ARL8A: variants seen among roughly 807,000 people sequenced by gnomAD.
The protein encoded by ARL8A is ADP-ribosylation factor-like protein 8A.
In ARL8A, 10 loss-of-function variants were observed where a neutral mutation model predicts 31.2. That is an observed-to-expected ratio of 0.32 (90% confidence interval 0.20 to 0.54). ARL8A has a LOEUF of 0.54. Among genes scored for constraint, ARL8A ranks in the 20% least tolerant of loss-of-function variants. The pLI is 0.93. For synonymous variants in ARL8A, 70 were observed against 86.9 expected, an observed-to-expected ratio of 0.81 and a Z score of 1.08; for missense variants, 129 against 242.8, an observed-to-expected ratio of 0.53 and a Z score of 3.12.
Position 202,144,585 on chromosome 1 carries a change from C to T in ARL8A, c.-13G>A. On this transcript the variant is annotated 5_prime_UTR_variant, in exon 1 of 7. Coordinates refer to ENST00000272217, the MANE Select transcript of ARL8A (RefSeq NM_138795.4). The surrounding 1 kb of genome is among the most constrained non-coding windows in gnomAD (Gnocchi z 5.2). ...ACAAAGCGATCATGGTCGCTGCCGC[C>T]GGCCCCGCCCGGTGCCAGGTCCCCG... 1 of 1,405,528 alleles carries T rather than the reference C, an allele frequency of 7.1e-7. No individual in the cohort carries two copies. Among genetic ancestry groups the T allele is most frequent in the Non-Finnish European group, 9.5e-7 (1 of 1,057,254 alleles). The allele number at this position is 1,405,528 out of a possible 1,614,324, so 87.1% of individuals were successfully genotyped here. A position where few individuals can be genotyped will look rare whatever the true frequency, so the allele number is the denominator to read the frequency against.
In ARL8A at chr1:202,142,832, C is replaced by T. The variant is rs554617583; in HGVS notation, c.123+1618G>A. Among the ~76,000 whole-genome samples, 111 of 152,252 alleles carry T rather than the reference C, an allele frequency of 7.3e-4. 1 individual carries two copies. The highest frequency in any genetic ancestry group is 2.6e-3 in the African/African-American group (108 of 41,548). On this transcript the variant is annotated intron_variant, in intron 1 of 6. Transcript: ENST00000272217. ...CGAACCCACCCGGGTACCTGTGGAT[C>T]CCTGTCCCAGAGCACAGCTATAGTA...
chr1:202,134,382 T>G lies in ARL8A; in HGVS notation c.*85A>C. The G allele has an allele frequency of 3.6e-6, 5 of 1,403,152 alleles. No individual in the cohort carries two copies. Among genetic ancestry groups the G allele is most frequent in the Non-Finnish European group, 4.0e-6 (4 of 995,098 alleles). 86.9% of individuals were successfully genotyped at this position (1,403,152 alleles called of 1,614,324 possible). A position where few individuals can be genotyped will look rare whatever the true frequency, so the allele number is the denominator to read the frequency against. On this transcript the variant is annotated 3_prime_UTR_variant, in exon 7 of 7. Coordinates refer to ENST00000272217, the MANE Select transcript of ARL8A (RefSeq NM_138795.4). This position sits in a 1 kb window ranked among gnomAD's most constrained non-coding sequence, Gnocchi z 4.2. ...CACACTGGGTGAGGAGGGGTGGGCT[T>G]AGGGGGACGACAGGGGTGGGCGGGG...
intron 1 of ARL8A, among the ~76,000 whole-genome samples, chr1:202,140,669 C>T (rs1372164729): frequency 2.0e-5 from 3 of 152,184 alleles, no homozygotes; most frequent in East Asian, 3.8e-4. Context: ...TCTCTCACTT[C>T]TTTCAGATAT....
chr1:202,144,268 G>A lies in ARL8A; in HGVS notation c.123+182C>T, dbSNP rs1353737799. Among the ~76,000 whole-genome samples the A allele has an allele frequency of 6.6e-6, 1 of 151,704 alleles. No individual in the cohort carries two copies. The highest frequency in any genetic ancestry group is 1.5e-5 in the Non-Finnish European group (1 of 67,834). On this transcript the variant is annotated intron_variant, in intron 1 of 6. Coordinates refer to ENST00000272217, the MANE Select transcript of ARL8A (RefSeq NM_138795.4). The surrounding 1 kb of genome is among the most constrained non-coding windows in gnomAD (Gnocchi z 5.2). ...AGAGAGCGGGTCGCGCGCCGCCCCG[G>A]TCCCCCACGGCACGGGCCGTACTAG...
rs1395028748 is a variant in ARL8A at position 202,134,913 on chromosome 1, T to C, written c.511+237A>G. Among the ~76,000 whole-genome samples the C allele has an allele frequency of 6.6e-6, 1 of 152,114 alleles. No individual in the cohort carries two copies. The highest frequency in any genetic ancestry group is 1.5e-5 in the Non-Finnish European group (1 of 68,028). On this transcript the variant is annotated intron_variant, in intron 6 of 6. Transcript: ENST00000272217. This position sits in a 1 kb window ranked among gnomAD's most constrained non-coding sequence, Gnocchi z 4.2. ...ACCTGAGAATCACCGGGTCCAGCCC[T>C]GGAATCTTAGAAACGAGGAGGTGAA...
rs1655257092 is a variant in ARL8A at position 202,144,667 on chromosome 1, G to A, written c.-95C>T. On this transcript the variant is annotated 5_prime_UTR_variant, in exon 1 of 7. Coordinates refer to ENST00000272217, the MANE Select transcript of ARL8A (RefSeq NM_138795.4). This position sits in a 1 kb window ranked among gnomAD's most constrained non-coding sequence, Gnocchi z 5.2. ...GAGCGGCCCCTCCCCGGTACGGCCC[G>A]GGTCCCGCGGCTCGGTGCGGGCGGA... The A allele has an allele frequency of 1.9e-6, 2 of 1,074,486 alleles. No individual in the cohort carries two copies. The highest frequency in any genetic ancestry group is 5.5e-5 in the Admixed American group (1 of 18,278). 66.6% of individuals were successfully genotyped at this position (1,074,486 alleles called of 1,614,324 possible).
Position 202,135,408 on chromosome 1 carries a change from G to A in ARL8A, c.440+51C>T. The stretch of plus-strand genomic sequence containing the variant: ...GCAGCAAGCCTAGGCTGTTGGTCTG[G>A]TGGTTGGGGAATTGGGAGAGCAGAA... On this transcript the variant is annotated intron_variant, in intron 5 of 6. Transcript: ENST00000272217. This position sits in a 1 kb window ranked among gnomAD's most constrained non-coding sequence, Gnocchi z 5.3. 1 of 1,593,344 alleles carries A rather than the reference G, an allele frequency of 6.3e-7. No homozygotes were observed.
chr1:202,134,634 G>A lies in ARL8A; in HGVS notation c.512-118C>T. 2.2e-6 allele frequency: 2 copies of A among 911,468 alleles called. No homozygotes were observed. The highest frequency in any genetic ancestry group is 1.8e-5 in the Admixed American group (1 of 55,778). The allele number at this position is 911,468 out of a possible 1,614,324, so 56.5% of individuals were successfully genotyped here. A position where few individuals can be genotyped will look rare whatever the true frequency, so the allele number is the denominator to read the frequency against. ...CAGAAGTCCAGAGATGCCAGGAGGG[G>A]TGGCGCACACCTGGAGTCTCAGCTA... On this transcript the variant is annotated intron_variant, in intron 6 of 6. Coordinates refer to ENST00000272217, the MANE Select transcript of ARL8A (RefSeq NM_138795.4). This position sits in a 1 kb window ranked among gnomAD's most constrained non-coding sequence, Gnocchi z 4.2.
At chr1:202,139,605 T>C (rs73085614) in intron 1 of ARL8A, among the ~76,000 whole-genome samples, 4 of 142,854 alleles carry the variant, frequency 2.8e-5, no homozygotes, top group Admixed American at 1.4e-4. Context: ...TCATTCAACA[T>C]TGAACCTGAG....
chr1:202,141,275 G>A lies in ARL8A; in HGVS notation c.124-2827C>T, dbSNP rs576269958. 3.3e-5 allele frequency among the ~76,000 whole-genome samples: 5 copies of A among 152,324 alleles called. No homozygotes were observed. The East Asian group carries it at 9.6e-4, about 29-fold the overall frequency. On this transcript the variant is annotated intron_variant, in intron 1 of 6. Transcript: ENST00000272217. The stretch of plus-strand genomic sequence containing the variant: ...CTGAAGTCATGCAGCCCAACCTCTT[G>A]TCTCAGACTTCAGTCCCTTCTGCCC...
At position 202,135,453 on chromosome 1, in the gene ARL8A, A is replaced by G. The variant is rs1654980371; in HGVS notation, c.440+6T>C. 1 of 1,613,624 alleles carries G rather than the reference A, an allele frequency of 6.2e-7. No homozygotes were observed. Among genetic ancestry groups the G allele is most frequent in the East Asian group, 2.2e-5 (1 of 44,858 alleles). On this transcript the variant is annotated splice_donor_region_variant and intron_variant, in intron 5 of 6. Coordinates refer to ENST00000272217, the MANE Select transcript of ARL8A (RefSeq NM_138795.4). The surrounding 1 kb of genome is among the most constrained non-coding windows in gnomAD (Gnocchi z 5.3). Reference sequence around the variant, plus strand: ...GCAGAAAGTAATATAGAGTCACCCAACTCACATTTTCTCAATCAGCTCCTT... The same window carrying G: ...GCAGAAAGTAATATAGAGTCACCCAGCTCACATTTTCTCAATCAGCTCCTT...
chr1:202,135,079 G>T lies in ARL8A; in HGVS notation c.511+71C>A. The T allele has an allele frequency of 1.4e-6, 2 of 1,463,026 alleles. No homozygotes were observed. The highest frequency in any genetic ancestry group is 1.2e-5 in the South Asian group (1 of 86,824). 90.6% of individuals were successfully genotyped at this position (1,463,026 alleles called of 1,614,324 possible). The stretch of plus-strand genomic sequence containing the variant: ...TGGACTTCAGGGAAAGTTGTGGAGC[G>T]AGAACCTGAGAGCCACTAAAACACT... On this transcript the variant is annotated intron_variant, in intron 6 of 6. Coordinates refer to ENST00000272217, the MANE Select transcript of ARL8A (RefSeq NM_138795.4). The surrounding 1 kb of genome is among the most constrained non-coding windows in gnomAD (Gnocchi z 5.3).
chr1:202,143,428 G>A (rs979951415), intron 1 of ARL8A, among the ~76,000 whole-genome samples: 1 of 152,150 alleles, frequency 6.6e-6, no homozygotes, highest in African/African-American at 2.4e-5. Context: ...TTACTATCTG[G>A]CCAACTCACA....
At chr1:202,143,975 A>T (rs1489886614) in intron 1 of ARL8A, among the ~76,000 whole-genome samples, 3 of 151,004 alleles carry the variant, frequency 2.0e-5, no homozygotes, top group Admixed American at 1.3e-4. Flanking sequence ...GGAGGGGTTA[A>T]GCCCTCTGGG....
chr1:202,139,241 A>G (rs1188775677), intron 1 of ARL8A, among the ~76,000 whole-genome samples: 9 of 152,178 alleles, frequency 5.9e-5, no homozygotes, highest in Non-Finnish European at 1.3e-4. Context: ...CCATGTTCAC[A>G]GGTAGGACAC....
chr1:202,139,104 C>T (rs1268971774), intron 1 of ARL8A, among the ~76,000 whole-genome samples: 2 of 152,166 alleles, frequency 1.3e-5, no homozygotes, highest in Non-Finnish European at 2.9e-5. Flanking sequence ...TTGCTGAATA[C>T]TGGGGGTTTG....
At chr1:202,139,940 G>A (rs1228225800) in intron 1 of ARL8A, among the ~76,000 whole-genome samples, 1 of 152,002 alleles carries the variant, frequency 6.6e-6, no homozygotes, top group Non-Finnish European at 1.5e-5. Flanking sequence ...GAGCCACGGT[G>A]CCCGGCCAAG....
rs558457765 is a variant in ARL8A at position 202,138,304 on chromosome 1, C to A, written c.204+64G>T. 30 of 1,270,992 alleles carry A rather than the reference C, an allele frequency of 2.4e-5. No individual in the cohort carries two copies. The highest frequency in any genetic ancestry group is 3.3e-5 in the Non-Finnish European group (30 of 916,772). The allele number at this position is 1,270,992 out of a possible 1,614,324, so 78.7% of individuals were successfully genotyped here. A position where few individuals can be genotyped will look rare whatever the true frequency, so the allele number is the denominator to read the frequency against. ...TCCGTTGCCCTCCCCAACACACACA[C>A]ACACACACACACACACACACACAAA... On this transcript the variant is annotated intron_variant, in intron 2 of 6. Transcript: ENST00000272217. The surrounding 1 kb of genome is among the most constrained non-coding windows in gnomAD (Gnocchi z 4.4).
In ARL8A at chr1:202,135,193, C is replaced by T; in HGVS notation, c.468G>A (p.Glu156=). The T allele has an allele frequency of 6.2e-7, 1 of 1,614,192 alleles. No homozygotes were observed. Among genetic ancestry groups the T allele is most frequent in the East Asian group, 2.2e-5 (1 of 44,880 alleles). The part of the protein sequence containing the change: ...KMNLSAIQDR[E]ICCYSISCKE... ...TGCAAGAGATGGAGTAGCAGCAGAT[C>T]TCTCGGTCCTGGATGGCAGACAGAT... Residue 156 remains glutamate (E), a synonymous_variant, in exon 6 of 7, where the codon GAG becomes GAA. Coordinates refer to ENST00000272217, the MANE Select transcript of ARL8A (RefSeq NM_138795.4). This position sits in a 1 kb window ranked among gnomAD's most constrained non-coding sequence, Gnocchi z 5.3.
Sources: gnomAD v4.1 joint callset for allele counts (sites outside exome capture counted in the v4.1 genomes callset) on GRCh38, gnomAD v4.1.1 for gene constraint, Gnocchi (gnomAD v3.1) non-coding constraint, MANE v1.5 for transcripts, NCBI Gene and HGNC (gene_info 2026-07-23, HGNC 2026-07-21) for gene names.